DDX3X: variants seen among roughly 807,000 people sequenced by gnomAD.
DDX3X encodes ATP-dependent RNA helicase DDX3X.
DDX3X carries 4 observed loss-of-function variants against 52.7 expected under a neutral mutation model. That is an observed-to-expected ratio of 0.08 (90% CI 0.04 to 0.17). DDX3X has a LOEUF of 0.17. DDX3X is among the 10% of genes least tolerant of loss of function. The probability of loss-of-function intolerance (pLI) is 1.00; values close to 1 mark genes in which losing one functional copy is unlikely to be tolerated. For missense variants in DDX3X, 222 were observed against 548.6 expected (o/e 0.40, Z 5.95); for synonymous variants, 192 against 178.1 (o/e 1.08, Z -0.62).
chrX:41,334,624 G>C (rs971057323), intron 1 of DDX3X: 2 of 1,081,163 alleles, frequency 1.8e-6, no homozygotes, highest in South Asian at 2.0e-5. Flanking sequence ...AGTGACCTGG[G>C]GGGGTTTGCG....
chrX:41,339,581 T>G (rs1461403196), intron 3 of DDX3X: 1 of 112,605 alleles, frequency 8.9e-6, no homozygotes, highest in Non-Finnish European at 1.9e-5. Flanking sequence ...TGTATTACAA[T>G]ATCTGGTGTC....
intron 1 of DDX3X, chrX:41,334,904 G>A (rs945382901): frequency 1.4e-5 from 5 of 363,740 alleles, no homozygotes; most frequent in Non-Finnish European, 1.9e-5. Context: ...CGAAGGCCTG[G>A]AAAGGAGGAT....
At position 41,337,468 on chromosome X, in the gene DDX3X, A is replaced by G; in HGVS notation, c.103+3A>G. 1 of 1,193,541 alleles carries G rather than the reference A, an allele frequency of 8.4e-7. No homozygotes were observed. Among genetic ancestry groups the G allele is most frequent in the South Asian group, 1.8e-5 (1 of 56,157 alleles). On this transcript the variant is annotated splice_donor_region_variant and intron_variant, in intron 2 of 16. Transcript: ENST00000644876. Reference sequence around the variant, plus strand: ...GAGTGGAGGAAGTACAGCCAGCAGTAAGTACAACATCTTGTGGGTTTATTG... The same window carrying G: ...GAGTGGAGGAAGTACAGCCAGCAGTGAGTACAACATCTTGTGGGTTTATTG...
intron 15 of DDX3X, 141 bp from the exon 16 acceptor site, chrX:41,347,171 G>A (rs1486727140): frequency 2.2e-6 from 2 of 914,702 alleles, no homozygotes; most frequent in Non-Finnish European, 3.0e-6. Flanking sequence ...GTATTAGAAT[G>A]GGTGACACTC....
intron 7 of DDX3X, 28 bp downstream of exon 7, chrX:41,343,379 T>A: frequency 3.5e-6 from 4 of 1,159,235 alleles, no homozygotes; most frequent in Non-Finnish European, 4.6e-6. Context: ...GAGTAAAACA[T>A]CATATTTCTT....
upstream of DDX3X, chrX:41,333,853 G>A (rs1249032303): frequency 1.3e-5 from 2 of 150,438 alleles, no homozygotes. Flanking sequence ...TGGAAAGCGG[G>A]AGACGCAAGT....
chrX:41,358,213 G>A (rs1247035964), intron 5 of DDX3X, among the ~76,000 whole-genome samples: 1 of 107,860 alleles, frequency 9.3e-6, no homozygotes, highest in Non-Finnish European at 1.9e-5. Context: ...GAGTAGCTGG[G>A]ATTACAGGCA....
intron 3 of DDX3X, 77 bp downstream of exon 3, chrX:41,339,160 C>A: frequency 1.9e-6 from 1 of 523,548 alleles, no homozygotes; most frequent in South Asian, 4.9e-5. Context: ...GAAAACCAGG[C>A]ATTTGGGGGA....
At position 41,349,958 on chromosome X, in the gene DDX3X, T is replaced by C. The variant is rs1240020679; in HGVS notation, c.*2239T>C. On this transcript the variant is annotated 3_prime_UTR_variant, in exon 17 of 17. Transcript: ENST00000644876. Reference sequence around the variant, plus strand: ...ATTGCAATCCTCAAACATGTGGTTATCTTTGTTGTATTGGCATAATCAGTG... The same window carrying C: ...ATTGCAATCCTCAAACATGTGGTTACCTTTGTTGTATTGGCATAATCAGTG... 1 of 109,975 alleles carries C rather than the reference T, an allele frequency of 9.1e-6. No homozygotes were observed. Among genetic ancestry groups the C allele is most frequent in the East Asian group, 2.8e-4 (1 of 3,536 alleles). The allele number at this position is 109,975 out of a possible 1,213,427, so 9.1% of individuals were successfully genotyped here.
chrX:41,333,465 T>TTCCCC (rs1268196852), upstream of DDX3X: 2 of 105,981 alleles, frequency 1.9e-5, no homozygotes, highest in Non-Finnish European at 3.9e-5. Flanking sequence ...TCTCCTCCTC[T>TTCCCC]TCCCCTCCCC....
chrX:41,349,683 A>G lies in DDX3X; in HGVS notation c.*1964A>G, dbSNP rs1032293764. 8.9e-6 allele frequency: 1 copy of G among 112,063 alleles called. No homozygotes were observed. Among genetic ancestry groups the G allele is most frequent in the African/African-American group, 3.2e-5 (1 of 30,780 alleles). 9.2% of individuals were successfully genotyped at this position (112,063 alleles called of 1,213,427 possible). A position where few individuals can be genotyped will look rare whatever the true frequency, so the allele number is the denominator to read the frequency against. ...GGGTAGTGTGAGCTTTTAATGTTTA[A>G]GTCATATTAAACTCTTAAGTCAAAT... On this transcript the variant is annotated 3_prime_UTR_variant, in exon 17 of 17. Transcript: ENST00000644876.
At chrX:41,340,583 G>A (rs780958159) in intron 3 of DDX3X, 3 of 257,739 alleles carry the variant, frequency 1.2e-5, no homozygotes, top group South Asian at 5.2e-4. Flanking sequence ...CTGTACCCAG[G>A]AACCTTGTCT....
intron 5 of DDX3X, among the ~76,000 whole-genome samples, chrX:41,363,755 C>A (rs1196514125): frequency 9.1e-6 from 1 of 110,366 alleles, no homozygotes; most frequent in Admixed American, 9.9e-5. Context: ...TGCACTCCAG[C>A]CTGGGCAACA....
At chrX:41,355,844 A>G (rs1472318726) in intron 5 of DDX3X, among the ~76,000 whole-genome samples, 1 of 109,499 alleles carries the variant, frequency 9.1e-6, no homozygotes, top group Non-Finnish European at 1.9e-5. Flanking sequence ...TATTGTCTTA[A>G]TTTGCATTTC....
chrX:41,340,694 T>A, intron 3 of DDX3X: 1 of 291,178 alleles, frequency 3.4e-6, no homozygotes, highest in African/African-American at 2.7e-5. Flanking sequence ...TACTACAATT[T>A]GACATTAGTG....
At chrX:41,351,903 G>T (rs1162012165), downstream of DDX3X, among the ~76,000 whole-genome samples, 2 of 110,708 alleles carry the variant, frequency 1.8e-5, no homozygotes, top group African/African-American at 6.6e-5. Flanking sequence ...TTTGTGACTT[G>T]GAAAGATGTT....
At chrX:41,360,376 TC>T (rs1287761314) in intron 5 of DDX3X, among the ~76,000 whole-genome samples, 4 of 102,952 alleles carry the variant, frequency 3.9e-5, no homozygotes, top group African/African-American at 1.5e-4. Context: ...AAACTCTGTC[TC>T]AAAAAAAAAA....
chrX:41,352,383 C>T (rs192209828), downstream of DDX3X, among the ~76,000 whole-genome samples: 7 of 111,698 alleles, frequency 6.3e-5, no homozygotes, highest in East Asian at 5.6e-4. Context: ...TCCTATCTTT[C>T]GCTGGAGATC....
At chrX:41,357,506 A>G (rs1182567203) in intron 5 of DDX3X, among the ~76,000 whole-genome samples, 2 of 111,347 alleles carry the variant, frequency 1.8e-5, no homozygotes, top group African/African-American at 3.3e-5. Flanking sequence ...GACAGGGTCC[A>G]GTCTTGCTCT....
Sources: gnomAD v4.1 joint callset for allele counts (sites outside exome capture counted in the v4.1 genomes callset) on GRCh38, gnomAD v4.1.1 for gene constraint, MANE v1.5 for transcripts, NCBI Gene and HGNC (gene_info 2026-07-23, HGNC 2026-07-21) for gene names.